Variants in LIMA1 observed in about 807,000 individuals in gnomAD.
LIMA1 encodes LIM domain and actin-binding protein 1.
A neutral mutation model predicts 62.6 loss-of-function variants in LIMA1; 52 were observed. The ratio of observed to expected loss-of-function variants is 0.83; its 90% CI spans 0.67 to 1.05. The LOEUF is 1.05. Among genes scored for constraint, LIMA1 ranks in the 50% least tolerant of loss-of-function variants. The probability of loss-of-function intolerance (pLI) is 0.00; values close to 1 mark genes in which losing one functional copy is unlikely to be tolerated. For missense variants in LIMA1, 780 were observed against 902.2 expected (o/e 0.86, Z 1.74); for synonymous variants, 302 against 317.8 (o/e 0.95, Z 0.53).
At position 50,200,836 on chromosome 12, in the gene LIMA1, G is replaced by T; in HGVS notation, c.913C>A (p.Gln305Lys). ...GGACCTGGGGGCACATTCTCCTTTT[G>T]CTCCATTTTATGAATTTTGATTTCG... ...GGEIKIHKME[Q>K]KENVPPGPEV... The change falls in exon 7 of 11, where the codon CAA becomes AAA. Residue 305 changes from glutamine (Q) to lysine (K), a missense_variant. Gln to Lys is a moderately conservative substitution (Grantham distance 53). Transcript: ENST00000341247. The T allele has an allele frequency of 6.2e-7, 1 of 1,614,002 alleles. No homozygotes were observed. Among genetic ancestry groups the T allele is most frequent in the African/African-American group, 1.3e-5 (1 of 75,024 alleles).
chr12:50,259,099 C>T (rs984779419), intron 1 of LIMA1, among the ~76,000 whole-genome samples: 1 of 152,108 alleles, frequency 6.6e-6, no homozygotes, highest in Non-Finnish European at 1.5e-5. Flanking sequence ...TTTCTGAAAA[C>T]AGATCTAGAA....
intron 1 of LIMA1, among the ~76,000 whole-genome samples, chr12:50,270,010 G>A (rs565360274): frequency 3.2e-4 from 47 of 146,382 alleles, no homozygotes; most frequent in South Asian, 2.0e-3. Context: ...CGAGGTGGGC[G>A]GATCACCTGA....
intron 1 of LIMA1, among the ~76,000 whole-genome samples, chr12:50,265,026 G>A (rs552976031): frequency 6.6e-6 from 1 of 152,040 alleles, no homozygotes; most frequent in East Asian, 1.9e-4. Flanking sequence ...GGTGGTGGGT[G>A]CCTGTGGTTC....
Position 50,200,833 on chromosome 12 carries a change from T to G in LIMA1, c.916A>C (p.Lys306Gln). 1 of 1,614,156 alleles carries G rather than the reference T, an allele frequency of 6.2e-7. No homozygotes were observed. Among genetic ancestry groups the G allele is most frequent in the Non-Finnish European group, 8.5e-7 (1 of 1,180,016 alleles). ...GEIKIHKMEQ[K>Q]ENVPPGPEVC... is the part of the protein sequence containing the mutation. ...TCAGGACCTGGGGGCACATTCTCCT[T>G]TTGCTCCATTTTATGAATTTTGATT... Residue 306 changes from lysine (K) to glutamine (Q), a missense_variant, in exon 7 of 11, where the codon AAG (lysine) becomes CAG (glutamine). Lys to Gln is a moderately conservative substitution (Grantham distance 53). Transcript: ENST00000341247.
chr12:50,189,540 G>A (rs1565830424), intron 9 of LIMA1: 1 of 152,184 alleles, frequency 6.6e-6, no homozygotes. Flanking sequence ...AAAGAAGTGT[G>A]GGTAATCCAA....
chr12:50,268,792 T>C (rs1019429149), intron 1 of LIMA1, among the ~76,000 whole-genome samples: 2 of 152,162 alleles, frequency 1.3e-5, no homozygotes, highest in African/African-American at 2.4e-5. Flanking sequence ...GCTCTAGAAA[T>C]GTTCAATAAC....
chr12:50,179,290 T>C (rs1418593243), intron 10 of LIMA1, among the ~76,000 whole-genome samples: 2 of 151,728 alleles, frequency 1.3e-5, no homozygotes, highest in Non-Finnish European at 2.9e-5. Flanking sequence ...TACAGGTGTG[T>C]GCCACCATGC....
chr12:50,248,056 G>A (rs1234491617), intron 2 of LIMA1, among the ~76,000 whole-genome samples: 1 of 152,186 alleles, frequency 6.6e-6, no homozygotes, highest in Non-Finnish European at 1.5e-5. Context: ...CAATACGACA[G>A]TCACCAACAA....
At chr12:50,194,190 T>C (rs1730444389) in intron 8 of LIMA1, among the ~76,000 whole-genome samples, 1 of 151,652 alleles carries the variant, frequency 6.6e-6, no homozygotes, top group Admixed American at 6.6e-5. Context: ...GGTTTCACCA[T>C]GTTGACCAGG....
At chr12:50,200,416 G>C (rs1235719456) in intron 7 of LIMA1, among the ~76,000 whole-genome samples, 1 of 151,670 alleles carries the variant, frequency 6.6e-6, no homozygotes, top group Non-Finnish European at 1.5e-5. Context: ...GGCTAGGCTG[G>C]TCTCGAACTC....
At chr12:50,281,889 CCTCA>C (rs1186551815) in intron 1 of LIMA1, among the ~76,000 whole-genome samples, 1 of 152,182 alleles carries the variant, frequency 6.6e-6, no homozygotes, top group Admixed American at 6.5e-5. Flanking sequence ...ATAGAAATGA[CCTCA>C]CTAATACCAT....
rs141967124 is a variant in LIMA1, at chr12:50,177,340, T to C, written c.2004A>G (p.Glu668=). 39 of 1,614,202 alleles carry C rather than the reference T, an allele frequency of 2.4e-5. No individual in the cohort carries two copies. The highest frequency in any genetic ancestry group is 3.2e-5 in the Non-Finnish European group (38 of 1,180,042). ...SKGETGKRSK[E]GHSLEMENEN... ...CATTCTCCATCTCCAAACTATGACC[T>C]TCCTTACTTCTCTTCCCTGTCTCTC... The change falls in exon 11 of 11, where the codon GAA becomes GAG. Residue 668 remains glutamate, a synonymous_variant. Coordinates refer to ENST00000341247, the MANE Select transcript of LIMA1 (RefSeq NM_016357.5).
At chr12:50,276,926 A>G (rs1172196451) in intron 1 of LIMA1, among the ~76,000 whole-genome samples, 3 of 152,138 alleles carry the variant, frequency 2.0e-5, no homozygotes, top group Non-Finnish European at 4.4e-5. Context: ...ATTAAAAGGC[A>G]AACTGGTTAA....
At chr12:50,263,260 G>A (rs76034975) in intron 1 of LIMA1, among the ~76,000 whole-genome samples, 3,212 of 152,198 alleles carry the variant, frequency 0.021, 112 homozygotes, top group African/African-American at 0.074. Context: ...ATAATTTACT[G>A]AGAGGTCAAA....
intron 1 of LIMA1, among the ~76,000 whole-genome samples, chr12:50,277,062 C>T (rs1942283992): frequency 4.6e-5 from 7 of 152,094 alleles, no homozygotes; most frequent in Admixed American, 4.6e-4. Context: ...TGGAGACGTA[C>T]ACCCTCTAGT....
chr12:50,211,789 A>AC (rs1941261556), intron 4 of LIMA1, among the ~76,000 whole-genome samples: 2 of 125,404 alleles, frequency 1.6e-5, no homozygotes, highest in Admixed American at 1.5e-4. Flanking sequence ...GTAAAGGAAC[A>AC]CAAAACACAC....
At position 50,263,012 on chromosome 12, in the gene LIMA1, T is replaced by TTAATTCAATCTGCCTAATTTGATGC. The variant is rs1942090677; in HGVS notation, c.-23-14263_-23-14239dup. Among the ~76,000 whole-genome samples, 4 of 152,200 alleles carry TTAATTCAATCTGCCTAATTTGATGC rather than the reference T, an allele frequency of 2.6e-5. No homozygotes were observed. In the South Asian group the frequency reaches 8.3e-4, roughly 31 times the overall value. ...AAATGAATCTGAGACACTGCACTGA[T>TTAATTCAATCTGCCTAATTTGATGC]TAATTCAATCTGCCTAATTTGATGC... On this transcript the variant is annotated intron_variant, in intron 1 of 10. Transcript: ENST00000341247.
At chr12:50,268,564 A>T (rs939066214) in intron 1 of LIMA1, among the ~76,000 whole-genome samples, 5 of 151,940 alleles carry the variant, frequency 3.3e-5, no homozygotes, top group African/African-American at 1.2e-4. Context: ...ATTTGATCTT[A>T]TTCACTTAAT....
intron 5 of LIMA1, among the ~76,000 whole-genome samples, chr12:50,205,240 GC>G (rs1486972898): frequency 1.1e-5 from 1 of 92,264 alleles, no homozygotes; most frequent in Non-Finnish European, 1.9e-5. Flanking sequence ...ACCACGCTGG[GC>G]TTTTTTTTTT....
Sources: allele counts gnomAD v4.1 joint callset (sites outside exome capture counted in the v4.1 genomes callset), GRCh38; gene constraint gnomAD v4.1.1; transcripts MANE v1.5; gene names NCBI Gene and HGNC (gene_info 2026-07-23, HGNC 2026-07-21).